The following STEAP3 variants were observed in gnomAD, a reference collection of about 807,000 sequenced individuals.
STEAP3 encodes metalloreductase STEAP3.
A neutral mutation model predicts 34.9 loss-of-function variants in STEAP3; 35 were observed. The ratio of observed to expected loss-of-function variants is 1.00; its 90% confidence interval spans 0.76 to 1.33. The LOEUF (loss-of-function observed/expected upper bound fraction) is 1.33. Ranked by LOEUF, STEAP3 falls within the 40% of genes most tolerant of loss-of-function variation. STEAP3 has a pLI of 0.00. For synonymous variants in STEAP3, 281 were observed against 301.6 expected (o/e 0.93, Z 0.71); for missense variants, 652 against 667.6 (o/e 0.98, Z 0.26).
At chr2:119,238,979 G>A (rs762140470) in intron 2 of STEAP3, among the ~76,000 whole-genome samples, 2 of 152,120 alleles carry the variant, frequency 1.3e-5, no homozygotes, top group South Asian at 2.1e-4. Context: ...AGTGGGGGCG[G>A]GGGGTGGACA....
intron 5 of STEAP3, among the ~76,000 whole-genome samples, chr2:119,260,871 A>G (rs1677922493): frequency 6.6e-6 from 1 of 152,186 alleles, no homozygotes; most frequent in Non-Finnish European, 1.5e-5. Context: ...GTGAGCCAGA[A>G]GTTGTTAAAG....
intron 2 of STEAP3, among the ~76,000 whole-genome samples, chr2:119,242,879 G>C (rs1677290041): frequency 6.6e-6 from 1 of 152,188 alleles, no homozygotes; most frequent in Admixed American, 6.5e-5. Flanking sequence ...GAGCAGCCTT[G>C]AGTAGGGACC....
chr2:119,249,663 T>C (rs1215383080), intron 4 of STEAP3, among the ~76,000 whole-genome samples: 1 of 152,076 alleles, frequency 6.6e-6, no homozygotes, highest in Non-Finnish European at 1.5e-5. Context: ...TTGGCAGGAC[T>C]GGGAAGCAGG....
chr2:119,251,236 C>T (rs540987540), intron 4 of STEAP3, among the ~76,000 whole-genome samples: 6 of 152,180 alleles, frequency 3.9e-5, no homozygotes, highest in Non-Finnish European at 8.8e-5. Context: ...CCCCACATGG[C>T]CACTCACCAC....
rs1333638292 is a variant in STEAP3, at chr2:119,265,486, G to C, written c.*2148G>C. On this transcript the variant is annotated 3_prime_UTR_variant, in exon 6 of 6. Transcript: ENST00000393110. ...ATCTCCACAGCCTGGTAAATTCCAT[G>C]TGCCTCTGGGTACAAAAGTGCCTCA... The C allele has an allele frequency of 2.0e-5, 3 of 152,114 alleles. No individual in the cohort carries two copies. The highest frequency in any genetic ancestry group is 7.2e-5 in the African/African-American group (3 of 41,428). The allele number at this position is 152,114 out of a possible 1,614,324, so 9.4% of individuals were successfully genotyped here. A position where few individuals can be genotyped will look rare whatever the true frequency, so the allele number is the denominator to read the frequency against.
intron 5 of STEAP3, among the ~76,000 whole-genome samples, chr2:119,260,320 C>T (rs1610469): frequency 0.055 from 7,567 of 137,766 alleles, 227 homozygotes; most frequent in Non-Finnish European, 0.064. Flanking sequence ...TTTTTTTTTT[C>T]TTTTTTTTTG....
chr2:119,229,001 G>C (rs1168419516), intron 1 of STEAP3, among the ~76,000 whole-genome samples: 3 of 152,136 alleles, frequency 2.0e-5, no homozygotes, highest in African/African-American at 7.2e-5. Context: ...AAGAGATCTG[G>C]AGACCCCCCA....
intron 4 of STEAP3, 109 bp from the exon 5 acceptor site, chr2:119,254,575 G>C: frequency 4.1e-6 from 5 of 1,233,790 alleles, no homozygotes; most frequent in Non-Finnish European, 5.9e-6. Flanking sequence ...GTAGCGTCAG[G>C]TGCAGTGTGA....
chr2:119,259,291 G>T (rs1427041523), intron 5 of STEAP3, among the ~76,000 whole-genome samples: 3 of 152,216 alleles, frequency 2.0e-5, no homozygotes, highest in African/African-American at 7.2e-5. Flanking sequence ...AATGGCTCTA[G>T]CTTGGGGATC....
chr2:119,229,128 T>C (rs1285281182), intron 1 of STEAP3, among the ~76,000 whole-genome samples: 2 of 152,094 alleles, frequency 1.3e-5, no homozygotes, highest in Admixed American at 6.5e-5. Context: ...GCGATTCTGG[T>C]GTTCACAAAT....
At chr2:119,260,928 C>G (rs888958068) in intron 5 of STEAP3, among the ~76,000 whole-genome samples, 5 of 152,106 alleles carry the variant, frequency 3.3e-5, no homozygotes, top group African/African-American at 1.2e-4. Flanking sequence ...CAAGAAGAAC[C>G]AGAGAGGGTG....
Position 119,263,339 on chromosome 2 carries a change from G to C in STEAP3, c.*1G>C. ...GGCCGAGAAGACGAGCCACGTATGAGGTGCCTGCCCTGGGCTCTGGACCCC... is the reference window on the plus strand; with the variant it reads ...GGCCGAGAAGACGAGCCACGTATGACGTGCCTGCCCTGGGCTCTGGACCCC... On this transcript the variant is annotated 3_prime_UTR_variant, in exon 6 of 6. Transcript: ENST00000393110. 1.2e-6 allele frequency: 2 copies of C among 1,611,722 alleles called. No individual in the cohort carries two copies. Among genetic ancestry groups the C allele is most frequent in the Non-Finnish European group, 1.7e-6 (2 of 1,179,144 alleles).
intron 3 of STEAP3, chr2:119,246,193 AC>A: frequency 2.8e-6 from 2 of 710,472 alleles, no homozygotes; most frequent in Non-Finnish European, 4.5e-6. Flanking sequence ...TGGGATTTGA[AC>A]CCAGTTCCTA....
At chr2:119,258,597 ATTTTTTTTTTTTTT>A (rs57364767) in intron 5 of STEAP3, among the ~76,000 whole-genome samples, 50 of 69,972 alleles carry the variant, frequency 7.1e-4, no homozygotes, top group African/African-American at 1.5e-3. Context: ...TCCTTTGGGT[ATTTTTTTTTTTTTT>A]TTTTTTTTTT....
chr2:119,226,150 A>G (rs527679544), intron 1 of STEAP3, among the ~76,000 whole-genome samples: 2 of 152,322 alleles, frequency 1.3e-5, no homozygotes, highest in South Asian at 2.1e-4. Context: ...CTGGCGGTCT[A>G]CGCTGCCTGC....
At chr2:119,257,745 C>T in intron 5 of STEAP3, 4 of 1,380,364 alleles carry the variant, frequency 2.9e-6, no homozygotes, top group South Asian at 1.8e-5. Context: ...TTACCTGAGC[C>T]CCATCACCCT....
intron 5 of STEAP3, 100 bp downstream of exon 5, chr2:119,254,948 T>C: frequency 7.0e-7 from 1 of 1,433,506 alleles, no homozygotes; most frequent in Non-Finnish European, 9.5e-7. Context: ...GCTCTGATCA[T>C]CTGCACAGCA....
At chr2:119,229,667 G>C (rs1472589737) in intron 1 of STEAP3, among the ~76,000 whole-genome samples, 4 of 152,198 alleles carry the variant, frequency 2.6e-5, no homozygotes, top group Non-Finnish European at 5.9e-5. Flanking sequence ...AGCCGGGAGA[G>C]ATTGTCAGGG....
At chr2:119,262,426 G>GTGCAGTAT (rs1426513467) in intron 5 of STEAP3, among the ~76,000 whole-genome samples, 2 of 152,148 alleles carry the variant, frequency 1.3e-5, no homozygotes, top group Admixed American at 1.3e-4. Flanking sequence ...GAGTGCAGTA[G>GTGCAGTAT]TGCAGTGGCA....
Sources: gnomAD v4.1 joint callset for allele counts (sites outside exome capture counted in the v4.1 genomes callset) on GRCh38, gnomAD v4.1.1 for gene constraint, MANE v1.5 for transcripts, NCBI Gene and HGNC (gene_info 2026-07-23, HGNC 2026-07-21) for gene names.